PKN3: variants seen among roughly 807,000 people sequenced by gnomAD.
The protein encoded by PKN3 is protein kinase N3, also known as serine/threonine-protein kinase N3.
In PKN3, 91 loss-of-function variants were observed where a neutral mutation model predicts 113.1. That is an observed-to-expected ratio of 0.80 (90% CI 0.68 to 0.96). The LOEUF is 0.96. PKN3 is among the 40% of genes least tolerant of loss of function. The probability of loss-of-function intolerance (pLI) is 0.00; values close to 1 mark genes in which losing one functional copy is unlikely to be tolerated. For missense variants in PKN3, 1,052 were observed against 1,202.2 expected (o/e 0.88, Z 1.85); for synonymous variants, 467 against 499.0 (o/e 0.94, Z 0.85).
At chr9:128,704,304 T>C (rs931426210) in intron 1 of PKN3, among the ~76,000 whole-genome samples, 1 of 152,272 alleles carries the variant, frequency 6.6e-6, no homozygotes, top group African/African-American at 2.4e-5. Context: ...TCCCGGGAGC[T>C]GAGCAGGGAG....
chr9:128,711,882 A>T (rs2132307293), intron 6 of PKN3, among the ~76,000 whole-genome samples: 1 of 149,672 alleles, frequency 6.7e-6, no homozygotes, highest in Admixed American at 6.8e-5. Context: ...TACAGGTGTG[A>T]GCCACCACGC....
chr9:128,715,022 A>G lies in PKN3; in HGVS notation c.1653-150A>G, dbSNP rs747408748. 93 of 1,046,234 alleles carry G rather than the reference A, an allele frequency of 8.9e-5. No individual in the cohort carries two copies. The highest frequency in any genetic ancestry group is 3.0e-4 in the Middle Eastern group (1 of 3,368). The allele number at this position is 1,046,234 out of a possible 1,614,324, so 64.8% of individuals were successfully genotyped here. ...ACCCACATTATTGAGCTCCAGCTCT[A>G]TGCCGGCTTCTAGGAGTCCTTACTG... On this transcript the variant is annotated intron_variant, in intron 13 of 21. Coordinates refer to ENST00000291906, the MANE Select transcript of PKN3 (RefSeq NM_013355.5). This position sits in a 1 kb window ranked among gnomAD's most constrained non-coding sequence, Gnocchi z 4.1.
chr9:128,715,086 A>G lies in PKN3; in HGVS notation c.1653-86A>G. The G allele has an allele frequency of 7.1e-7, 1 of 1,403,600 alleles. No individual in the cohort carries two copies. Among genetic ancestry groups the G allele is most frequent in the Non-Finnish European group, 1.0e-6 (1 of 991,808 alleles). 86.9% of individuals were successfully genotyped at this position (1,403,600 alleles called of 1,614,324 possible). A position where few individuals can be genotyped will look rare whatever the true frequency, so the allele number is the denominator to read the frequency against. On this transcript the variant is annotated intron_variant, in intron 13 of 21. Coordinates refer to ENST00000291906, the MANE Select transcript of PKN3 (RefSeq NM_013355.5). This position sits in a 1 kb window ranked among gnomAD's most constrained non-coding sequence, Gnocchi z 4.1. ...AGCCCATAGGTCGGGACAGCCCAGGACTGGGCATGGGAGGCTTGGAGTGGC... is the reference window on the plus strand; with the variant it reads ...AGCCCATAGGTCGGGACAGCCCAGGGCTGGGCATGGGAGGCTTGGAGTGGC...
intron 12 of PKN3, 44 bp downstream of exon 12, chr9:128,714,708 CTGGCAGGGCCACCCAGCTGTGGGG>C (rs1862288562): frequency 7.2e-7 from 1 of 1,391,002 alleles, no homozygotes; most frequent in Admixed American, 1.7e-5. Context: ...CCGGCTGGGG[CTGGCAGGGCCACCCAGCTGTGGGG>C]TGGCAGGCCT....
In PKN3 at chr9:128,705,528, G is replaced by C. The variant is rs1205316562; in HGVS notation, c.250G>C (p.Gly84Arg). Residue 84 changes from glycine (G) to arginine (R), a missense_variant, in exon 2 of 22, where the codon GGG (glycine) becomes CGG (arginine). Gly to Arg is a moderately radical substitution (Grantham distance 125, BLOSUM62 -2). This residue lies in a region of PKN3 where 719 missense variants were observed against 759.4 expected (regional missense o/e 0.95). Coordinates refer to ENST00000291906, the MANE Select transcript of PKN3 (RefSeq NM_013355.5). ...LHARILLPGP[G>R]PGPAEPVASG... ...CGCCCGAATCCTGCTGCCCGGCCCTGGGCCTGGCCCAGCTGGTGAGTGAGG... is the reference window on the plus strand; with the variant it reads ...CGCCCGAATCCTGCTGCCCGGCCCTCGGCCTGGCCCAGCTGGTGAGTGAGG... The C allele has an allele frequency of 6.4e-7, 1 of 1,556,636 alleles. No homozygotes were observed. Among genetic ancestry groups the C allele is most frequent in the East Asian group, 2.4e-5 (1 of 41,310 alleles).
rs1165377639 is a variant in PKN3, at chr9:128,715,024, G to A, written c.1653-148G>A. Reference sequence around the variant, plus strand: ...CCACATTATTGAGCTCCAGCTCTATGCCGGCTTCTAGGAGTCCTTACTGCA... The same window carrying A: ...CCACATTATTGAGCTCCAGCTCTATACCGGCTTCTAGGAGTCCTTACTGCA... On this transcript the variant is annotated intron_variant, in intron 13 of 21. Coordinates refer to ENST00000291906, the MANE Select transcript of PKN3 (RefSeq NM_013355.5). This position sits in a 1 kb window ranked among gnomAD's most constrained non-coding sequence, Gnocchi z 4.1. The A allele has an allele frequency of 9.5e-6, 10 of 1,054,038 alleles. No individual in the cohort carries two copies. Among genetic ancestry groups the A allele is most frequent in the Non-Finnish European group, 1.3e-5 (9 of 691,946 alleles). 65.3% of individuals were successfully genotyped at this position (1,054,038 alleles called of 1,614,324 possible). A position where few individuals can be genotyped will look rare whatever the true frequency, so the allele number is the denominator to read the frequency against.
At chr9:128,712,853 A>C (rs1216477161) in intron 6 of PKN3, among the ~76,000 whole-genome samples, 199 bp from the exon 7 acceptor site, 1 of 152,100 alleles carries the variant, frequency 6.6e-6, no homozygotes, top group Non-Finnish European at 1.5e-5. Context: ...GCTGCAGGAC[A>C]GTCAGCAGGC....
At chr9:128,703,021 GC>G (rs1861900384) in intron 1 of PKN3, 82 bp downstream of exon 1, 2 of 984,124 alleles carry the variant, frequency 2.0e-6, no homozygotes, top group Non-Finnish European at 2.8e-6. Flanking sequence ...AACCGCGGCC[GC>G]TTCCCCCGAT....
At chr9:128,709,022 A>C (rs1014801225) in intron 6 of PKN3, among the ~76,000 whole-genome samples, 2 of 152,036 alleles carry the variant, frequency 1.3e-5, no homozygotes, top group Admixed American at 6.5e-5. Flanking sequence ...GCGGTGGCTC[A>C]CGCCTGTAAT....
intron 3 of PKN3, 86 bp downstream of exon 3, chr9:128,705,965 A>G: frequency 7.4e-7 from 1 of 1,357,924 alleles, no homozygotes; most frequent in South Asian, 1.5e-5. Context: ...TCATAAGGAG[A>G]CACCATTCCA....
At chr9:128,713,865 T>A (rs948493121) in intron 9 of PKN3, among the ~76,000 whole-genome samples, 181 bp from the exon 10 acceptor site, 1 of 152,166 alleles carries the variant, frequency 6.6e-6, no homozygotes, top group South Asian at 2.1e-4. Flanking sequence ...GTGCCTCTCC[T>A]CCCTGGGCCT....
chr9:128,703,668 G>GGT (rs1447136729), intron 1 of PKN3: 1 of 985,288 alleles, frequency 1.0e-6, no homozygotes, highest in Admixed American at 6.1e-5. Flanking sequence ...GAAAGGAGGT[G>GGT]GTGTGTGTGT....
At chr9:128,713,028 GC>G (rs758022096) in intron 6 of PKN3, 23 bp from the exon 7 acceptor site, 5 of 1,569,974 alleles carry the variant, frequency 3.2e-6, no homozygotes, top group Non-Finnish European at 4.3e-6. Flanking sequence ...ATCTGACAAC[GC>G]CCCCCGCTCA....
rs56208848 is a variant in PKN3 at position 128,714,624 on chromosome 9, G to T, written c.1544G>T (p.Arg515Leu). The T allele has an allele frequency of 1.4e-6, 2 of 1,430,320 alleles. No individual in the cohort carries two copies. The highest frequency in any genetic ancestry group is 2.8e-5 in the African/African-American group (2 of 71,514). 88.6% of individuals were successfully genotyped at this position (1,430,320 alleles called of 1,614,324 possible). A position where few individuals can be genotyped will look rare whatever the true frequency, so the allele number is the denominator to read the frequency against. ...ATGACACCCCCACCCAAGCCCCCAC[G>T]CCTCTACCTCCCCCAGGAGCCAACA... ...EEMTPPPKPP[R>L]LYLPQEPTSE... The change falls in exon 12 of 22, where the codon CGC becomes CTC. Residue 515 changes from arginine to leucine, a missense_variant. Coordinates refer to ENST00000291906, the MANE Select transcript of PKN3 (RefSeq NM_013355.5).
Position 128,715,378 on chromosome 9 carries a change from G to T in PKN3, c.1726G>T (p.Val576Phe). The change falls in exon 15 of 22, where the codon GTC becomes TTC. Residue 576 changes from valine (V) to phenylalanine (F), a missense_variant. Physicochemically the swap from Val to Phe is conservative, Grantham distance 50 (BLOSUM62 -1). Coordinates refer to ENST00000291906, the MANE Select transcript of PKN3 (RefSeq NM_013355.5). The surrounding 1 kb of genome is among the most constrained non-coding windows in gnomAD (Gnocchi z 4.1). ...CTCTCTCTGGCCCCAGGTCCTCCTG[G>T]TCCAGTTCAAGGGGACAGGGAAATA... is the stretch of plus-strand genomic sequence containing the variant. The part of the protein sequence containing the change: ...GRGHFGKVLL[V>F]QFKGTGKYYA... 2 of 1,613,948 alleles carry T rather than the reference G, an allele frequency of 1.2e-6. No individual in the cohort carries two copies. Among genetic ancestry groups the T allele is most frequent in the Non-Finnish European group, 1.7e-6 (2 of 1,179,904 alleles).
intron 1 of PKN3, among the ~76,000 whole-genome samples, chr9:128,705,036 C>T (rs1861966025): frequency 6.6e-6 from 1 of 152,162 alleles, no homozygotes; most frequent in Non-Finnish European, 1.5e-5. Flanking sequence ...AGAATAGAAC[C>T]TGGCACCCAT....
At position 128,705,855 on chromosome 9, in the gene PKN3, C is replaced by A; in HGVS notation, c.387C>A (p.His129Gln). 6.2e-7 allele frequency: 1 copy of A among 1,601,034 alleles called. No homozygotes were observed. ...KVKQGAENMT[H>Q]TCASGTPKER... ...AGCAGGGGGCTGAGAACATGACCCA[C>A]ACGTGCGCCAGTGGCACCCCCAAGG... Residue 129 changes from histidine to glutamine, a missense_variant, in exon 3 of 22, where the codon CAC becomes CAA. Around this residue, in one of 2 missense-constraint regions of PKN3, gnomAD observed 719 missense variants for 759.4 expected, o/e 0.95. Transcript: ENST00000291906.
intron 6 of PKN3, among the ~76,000 whole-genome samples, chr9:128,710,424 G>C (rs1862143136): frequency 6.6e-6 from 1 of 152,074 alleles, no homozygotes; most frequent in Non-Finnish European, 1.5e-5. Flanking sequence ...TGTGAGCAGA[G>C]CTGAGAAGAG....
rs1862287279 is a variant in PKN3, at chr9:128,714,675, G to A, written c.1584+11G>A. 7.3e-7 allele frequency: 1 copy of A among 1,367,942 alleles called. No individual in the cohort carries two copies. Among genetic ancestry groups the A allele is most frequent in the African/African-American group, 1.4e-5 (1 of 70,466 alleles). 84.7% of individuals were successfully genotyped at this position (1,367,942 alleles called of 1,614,324 possible). A position where few individuals can be genotyped will look rare whatever the true frequency, so the allele number is the denominator to read the frequency against. On this transcript the variant is annotated intron_variant, in intron 12 of 21. Transcript: ENST00000291906. ...TCCGAGGAGACTCCGGTGAGGGGCT[G>A]GAGGGACTAGTGGCTCCTAGGGCCG...
Sources: gnomAD v4.1 joint callset for allele counts (sites outside exome capture counted in the v4.1 genomes callset) on GRCh38, gnomAD v4.1.1 for gene constraint, gnomAD v4.1.1 regional missense constraint, Gnocchi (gnomAD v3.1) non-coding constraint, MANE v1.5 for transcripts, NCBI Gene and HGNC (gene_info 2026-07-23, HGNC 2026-07-21) for gene names.